Variants in TACR3 observed in about 807,000 individuals in gnomAD.
The protein encoded by TACR3 is tachykinin receptor 3, also known as neuromedin-K receptor.
A neutral mutation model predicts 35.0 loss-of-function variants in TACR3; 34 were observed. That is an observed-to-expected ratio of 0.97 (90% CI 0.74 to 1.30). The LOEUF is 1.30. Ranked by LOEUF, TACR3 falls within the 50% of genes most tolerant of loss-of-function variation. TACR3 has a pLI of 0.00. For synonymous variants in TACR3, 233 were observed against 221.1 expected (o/e 1.05, Z -0.48); for missense variants, 558 against 591.7 (o/e 0.94, Z 0.59).
chr4:103,618,458 T>G (rs1724705397), intron 3 of TACR3, among the ~76,000 whole-genome samples: 1 of 151,970 alleles, frequency 6.6e-6, no homozygotes. Context: ...TTTGTACCAG[T>G]GCCAAACTGT....
chr4:103,601,705 A>T (rs1055492783), intron 3 of TACR3, among the ~76,000 whole-genome samples: 2 of 152,144 alleles, frequency 1.3e-5, no homozygotes, highest in Non-Finnish European at 2.9e-5. Context: ...AAAATGTTGA[A>T]TATTGGTCTC....
intron 1 of TACR3, among the ~76,000 whole-genome samples, chr4:103,678,608 A>G (rs139124246): frequency 2.6e-5 from 4 of 152,214 alleles, no homozygotes; most frequent in African/African-American, 9.6e-5. Context: ...ACAAATATGC[A>G]TTGAGTGCCA....
chr4:103,677,402 T>C (rs1402989994), intron 1 of TACR3, among the ~76,000 whole-genome samples: 5 of 152,112 alleles, frequency 3.3e-5, no homozygotes, highest in Non-Finnish European at 7.4e-5. Flanking sequence ...TAAGGACACA[T>C]GCATGTGTAT....
chr4:103,712,449 C>T (rs925054161), intron 1 of TACR3, among the ~76,000 whole-genome samples: 20 of 152,302 alleles, frequency 1.3e-4, no homozygotes, highest in Non-Finnish European at 2.4e-4. Context: ...GGATCCCTTC[C>T]TTACACCTTA....
intron 3 of TACR3, among the ~76,000 whole-genome samples, chr4:103,628,686 C>CAGAT (rs1474152806): frequency 2.0e-5 from 3 of 152,120 alleles, no homozygotes; most frequent in Non-Finnish European, 4.4e-5. Flanking sequence ...AATCCAGGAC[C>CAGAT]AGATAGATTC....
chr4:103,718,713 G>A (rs1274261076), intron 1 of TACR3, among the ~76,000 whole-genome samples: 2 of 152,168 alleles, frequency 1.3e-5, no homozygotes, highest in Admixed American at 1.3e-4. Flanking sequence ...CCATTTCTCT[G>A]CCAGAATAGT....
Position 103,644,041 on chromosome 4 carries a change from A to T in TACR3, c.888+12153T>A, listed in dbSNP as rs371250185. Among the ~76,000 whole-genome samples, 26 of 151,984 alleles carry T rather than the reference A, an allele frequency of 1.7e-4. 1 individual carries two copies. The South Asian group carries it at 5.4e-3, about 31-fold the overall frequency. On this transcript the variant is annotated intron_variant, in intron 3 of 4. Transcript: ENST00000304883. ...GTACTACTGGAAAACCACAAAAAAA[A>T]ATAAAAACTTTTCTAGGCCTTTCAA...
At chr4:103,675,814 A>C in intron 1 of TACR3, among the ~76,000 whole-genome samples, 1 of 151,978 alleles carries the variant, frequency 6.6e-6, no homozygotes, top group East Asian at 1.9e-4. Context: ...AGAGCAAGGG[A>C]CCCTATTGGT....
At chr4:103,670,314 G>A (rs767897835) in intron 1 of TACR3, among the ~76,000 whole-genome samples, 2 of 151,826 alleles carry the variant, frequency 1.3e-5, no homozygotes, top group Non-Finnish European at 2.9e-5. Flanking sequence ...TGGCTATTTG[G>A]GATCTTCTGT....
At chr4:103,704,288 T>G (rs987392668) in intron 1 of TACR3, among the ~76,000 whole-genome samples, 5 of 152,102 alleles carry the variant, frequency 3.3e-5, no homozygotes, top group Non-Finnish European at 5.9e-5. Context: ...ATGCAATGTG[T>G]TAAAAATAGC....
intron 1 of TACR3, among the ~76,000 whole-genome samples, chr4:103,669,549 CATG>C (rs1488319997): frequency 6.6e-6 from 1 of 151,992 alleles, no homozygotes; most frequent in African/African-American, 2.4e-5. Context: ...ACTGAGGTAA[CATG>C]ATATCTCATT....
intron 1 of TACR3, among the ~76,000 whole-genome samples, chr4:103,701,671 A>G (rs1304533615): frequency 6.6e-6 from 1 of 152,202 alleles, no homozygotes; most frequent in Non-Finnish European, 1.5e-5. Flanking sequence ...TACAGTAACC[A>G]AAACAGCATG....
At position 103,650,667 on chromosome 4, in the gene TACR3, TAAATATATATTATATCATA is replaced by T. The variant is rs1560821940; in HGVS notation, c.888+5508_888+5526del. Among the ~76,000 whole-genome samples the T allele has an allele frequency of 2.8e-3, 83 of 29,278 alleles. 5 individuals carry two copies. The highest frequency in any genetic ancestry group is 0.012 in the African/African-American group (81 of 6,778). 19.2% of individuals were successfully genotyped at this position (29,278 alleles called of 152,430 possible). ...TTTAATATATATAAATATATATAAA[TAAATATATATTATATCATA>T]TATAATATATATTTATATATATAAA... On this transcript the variant is annotated intron_variant, in intron 3 of 4. Transcript: ENST00000304883.
intron 3 of TACR3, among the ~76,000 whole-genome samples, chr4:103,643,457 T>C (rs1257569066): frequency 1.3e-5 from 2 of 148,370 alleles, no homozygotes; most frequent in African/African-American, 5.1e-5. Flanking sequence ...GAGAGAGAGA[T>C]ACAGATTGCC....
At chr4:103,601,332 G>A (rs188824071) in intron 3 of TACR3, among the ~76,000 whole-genome samples, 15 of 151,012 alleles carry the variant, frequency 9.9e-5, no homozygotes, top group East Asian at 3.9e-4. Context: ...GGGTCTTGAC[G>A]CTATCCAATT....
chr4:103,657,145 G>A (rs189401431), intron 2 of TACR3, among the ~76,000 whole-genome samples: 3 of 152,114 alleles, frequency 2.0e-5, no homozygotes, highest in East Asian at 1.9e-4. Flanking sequence ...TACAAAATTT[G>A]TATGGATTTC....
At chr4:103,620,002 C>G (rs74608890) in intron 3 of TACR3, among the ~76,000 whole-genome samples, 3 of 151,962 alleles carry the variant, frequency 2.0e-5, no homozygotes, top group African/African-American at 7.3e-5. Context: ...AACTATGTAC[C>G]TGACAAATGT....
intron 3 of TACR3, among the ~76,000 whole-genome samples, chr4:103,623,998 C>G (rs3796975): frequency 0.59 from 90,321 of 152,002 alleles, 28,412 homozygotes; most frequent in African/African-American, 0.79. Context: ...ATCAACCTTT[C>G]ACTATCACTC....
intron 1 of TACR3, among the ~76,000 whole-genome samples, chr4:103,711,853 GACAA>G (rs775405760): frequency 6.6e-6 from 1 of 152,080 alleles, no homozygotes; most frequent in Non-Finnish European, 1.5e-5. Flanking sequence ...ACCAATAACA[GACAA>G]ACAGAGAGCC....
Sources: allele counts gnomAD v4.1 joint callset (sites outside exome capture counted in the v4.1 genomes callset), GRCh38; gene constraint gnomAD v4.1.1; transcripts MANE v1.5; gene names NCBI Gene and HGNC (gene_info 2026-07-23, HGNC 2026-07-21).